The following LMO3 variants were observed in gnomAD, a reference collection of about 807,000 sequenced individuals.
LMO3 encodes LIM domain only protein 3.
LMO3 carries 2 observed loss-of-function variants against 15.8 expected under a neutral mutation model. The ratio of observed to expected loss-of-function variants is 0.13; its 90% CI spans 0.05 to 0.40. LMO3 has a LOEUF of 0.40. Ranked by LOEUF, LMO3 falls within the 10% of genes least tolerant of loss-of-function variation. The probability of loss-of-function intolerance (pLI) is 0.99; values close to 1 mark genes in which losing one functional copy is unlikely to be tolerated. For missense variants in LMO3, 86 were observed against 182.2 expected, an observed-to-expected ratio of 0.47 and a Z score of 3.04; for synonymous variants, 62 against 63.8, an observed-to-expected ratio of 0.97 and a Z score of 0.13.
intron 3 of LMO3, among the ~76,000 whole-genome samples, chr12:16,554,351 C>T (rs1942105778): frequency 6.6e-6 from 1 of 152,182 alleles, no homozygotes; most frequent in Admixed American, 6.5e-5. Flanking sequence ...TAATTTCTAT[C>T]TTACAACACT....
chr12:16,608,847 T>C (rs766339752), upstream of LMO3: 2 of 152,202 alleles, frequency 1.3e-5, no homozygotes, highest in Non-Finnish European at 2.9e-5. The surrounding 1 kb of genome is among the most constrained non-coding windows in gnomAD (Gnocchi z 4.1). Context: ...CATTTTCCCC[T>C]AAAATGTAAT....
chr12:16,594,293 A>T, intron 2 of LMO3: 1 of 1,514,562 alleles, frequency 6.6e-7, no homozygotes, highest in Non-Finnish European at 8.8e-7. Flanking sequence ...GTGTCAGCAG[A>T]AGTAATCATA....
At chr12:16,601,160 A>G (rs1943810380) in intron 1 of LMO3, among the ~76,000 whole-genome samples, 1 of 152,244 alleles carries the variant, frequency 6.6e-6, no homozygotes, top group African/African-American at 2.4e-5. Context: ...ATAATTTTAT[A>G]GTATCTTCAT....
chr12:16,558,758 A>G (rs1462395095), intron 3 of LMO3, among the ~76,000 whole-genome samples: 1 of 152,166 alleles, frequency 6.6e-6, no homozygotes, highest in Non-Finnish European at 1.5e-5. Context: ...CACTATTGTG[A>G]TACATGCCTT....
Position 16,585,449 on chromosome 12 carries a change from C to A in LMO3, c.206+15206G>T, listed in dbSNP as rs1170635028. Among the ~76,000 whole-genome samples, 1 of 152,202 alleles carries A rather than the reference C, an allele frequency of 6.6e-6. No individual in the cohort carries two copies. The highest frequency in any genetic ancestry group is 2.1e-4 in the South Asian group (1 of 4,836). On this transcript the variant is annotated intron_variant, in intron 2 of 3. Coordinates refer to ENST00000537304, the MANE Select transcript of LMO3 (RefSeq NM_018640.5). This position sits in a 1 kb window ranked among gnomAD's most constrained non-coding sequence, Gnocchi z 4.7. ...TACCATCTTCATCCTACACAGTGAG[C>A]ATAAATGTTGTTTCAAATATTGTTC...
At chr12:16,558,606 CTGAA>C (rs570454377) in intron 3 of LMO3, among the ~76,000 whole-genome samples, 105 of 152,184 alleles carry the variant, frequency 6.9e-4, no homozygotes, top group African/African-American at 2.3e-3. Flanking sequence ...TTACCCTAGA[CTGAA>C]TGAACTTACT....
intron 3 of LMO3, among the ~76,000 whole-genome samples, chr12:16,555,000 A>C (rs977622620): frequency 6.6e-6 from 1 of 152,136 alleles, no homozygotes; most frequent in East Asian, 1.9e-4. Flanking sequence ...TTCTAACTGT[A>C]ATCTTGGGCA....
At chr12:16,600,098 C>T (rs1215237490) in intron 2 of LMO3, 1 of 152,424 alleles carries the variant, frequency 6.6e-6, no homozygotes, top group African/African-American at 2.4e-5. Context: ...CTTCCTCTGA[C>T]ACACCTGAAA....
chr12:16,561,281 T>C (rs1480595045), intron 2 of LMO3, among the ~76,000 whole-genome samples: 1 of 152,202 alleles, frequency 6.6e-6, no homozygotes, highest in Non-Finnish European at 1.5e-5. Context: ...TTTCATAACG[T>C]GAGGAAATAT....
chr12:16,607,236 A>G (rs1944029434), upstream of LMO3: 1 of 152,072 alleles, frequency 6.6e-6, no homozygotes, highest in African/African-American at 2.4e-5. Flanking sequence ...ACTAATGCTG[A>G]CCCCCACCAC....
Position 16,585,877 on chromosome 12 carries a change from A to G in LMO3, c.206+14778T>C, listed in dbSNP as rs1272448087. The stretch of plus-strand genomic sequence containing the variant: ...AACATGTATATGATTCACAGGCCCA[A>G]GTAAAACATCATTTAGTCATTTATA... On this transcript the variant is annotated intron_variant, in intron 2 of 3. Transcript: ENST00000537304. The surrounding 1 kb of genome is among the most constrained non-coding windows in gnomAD (Gnocchi z 4.7). 6.6e-6 allele frequency among the ~76,000 whole-genome samples: 1 copy of G among 152,220 alleles called. No homozygotes were observed. The highest frequency in any genetic ancestry group is 6.5e-5 in the Admixed American group (1 of 15,276).
At chr12:16,562,298 TTTA>T (rs1323825576) in intron 2 of LMO3, among the ~76,000 whole-genome samples, 1 of 152,218 alleles carries the variant, frequency 6.6e-6, no homozygotes, top group East Asian at 1.9e-4. Context: ...TCTTCTGTTC[TTTA>T]TTATTTTTGA....
chr12:16,560,625 A>C lies in LMO3; in HGVS notation c.207-87T>G. ...GAGAGATGATGTTAATATACTCTGT[A>C]AAGCTACAATACACAATGCTTTATG... On this transcript the variant is annotated intron_variant, in intron 2 of 3. Coordinates refer to ENST00000537304, the MANE Select transcript of LMO3 (RefSeq NM_018640.5). The surrounding 1 kb of genome is among the most constrained non-coding windows in gnomAD (Gnocchi z 5.0). The C allele has an allele frequency of 8.4e-7, 1 of 1,186,282 alleles. No individual in the cohort carries two copies. The highest frequency in any genetic ancestry group is 1.2e-6 in the Non-Finnish European group (1 of 824,636). 73.5% of individuals were successfully genotyped at this position (1,186,282 alleles called of 1,614,324 possible). A position where few individuals can be genotyped will look rare whatever the true frequency, so the allele number is the denominator to read the frequency against.
At chr12:16,605,493 A>G (rs1943964136) in intron 1 of LMO3, 1 of 406,244 alleles carries the variant, frequency 2.5e-6, no homozygotes, top group African/African-American at 2.3e-5. Flanking sequence ...CAAAGGAACA[A>G]CATTTTGTTA....
At chr12:16,572,931 A>C (rs1198550084) in intron 2 of LMO3, among the ~76,000 whole-genome samples, 2 of 151,738 alleles carry the variant, frequency 1.3e-5, no homozygotes, top group African/African-American at 4.8e-5. Context: ...GTGGATATAA[A>C]ATTGATCATC....
intron 2 of LMO3, among the ~76,000 whole-genome samples, chr12:16,569,123 G>A (rs1942722569): frequency 6.6e-6 from 1 of 152,138 alleles, no homozygotes; most frequent in African/African-American, 2.4e-5. Flanking sequence ...ACAACAATAT[G>A]TAAAGAAAAA....
chr12:16,606,136 G>A lies in LMO3; in HGVS notation c.-79C>T, dbSNP rs1943989768. The A allele has an allele frequency of 4.0e-6, 1 of 250,208 alleles. No individual in the cohort carries two copies. Among genetic ancestry groups the A allele is most frequent in the South Asian group, 1.3e-4 (1 of 7,570 alleles). The allele number at this position is 250,208 out of a possible 1,614,324, so 15.5% of individuals were successfully genotyped here. On this transcript the variant is annotated 5_prime_UTR_variant, in exon 1 of 4. An upstream open reading frame in the 5' UTR gains an earlier in-frame stop. Transcript: ENST00000537304. ...TGGCTGCTTTGTAGCGCTTCTCCTT[G>A]GGAAAGGTCAAAAAGAAGCATTGTT...
chr12:16,549,380 A>G lies in LMO3; in HGVS notation c.*1842T>C, dbSNP rs971098423. ...CTCCTAACCATGAAGCATTTGGAAA[A>G]ATACATATCATTCACTTTTCACAGA... On this transcript the variant is annotated 3_prime_UTR_variant, in exon 4 of 4. Coordinates refer to ENST00000537304, the MANE Select transcript of LMO3 (RefSeq NM_018640.5). 3 of 152,506 alleles carry G rather than the reference A, an allele frequency of 2.0e-5. No homozygotes were observed. The highest frequency in any genetic ancestry group is 2.9e-5 in the Non-Finnish European group (2 of 68,006). 9.4% of individuals were successfully genotyped at this position (152,506 alleles called of 1,614,324 possible).
chr12:16,600,591 A>G (rs1943794731), intron 2 of LMO3, 64 bp downstream of exon 2: 1 of 1,406,670 alleles, frequency 7.1e-7, no homozygotes, highest in Admixed American at 1.8e-5. Context: ...CAAACAAAAA[A>G]TACACTTACA....
Sources: allele counts gnomAD v4.1 joint callset (sites outside exome capture counted in the v4.1 genomes callset), GRCh38; gene constraint gnomAD v4.1.1; non-coding constraint Gnocchi (gnomAD v3.1); transcripts MANE v1.5; gene names NCBI Gene and HGNC (gene_info 2026-07-23, HGNC 2026-07-21).